The following CCDC126 variants were observed in gnomAD, a reference collection of about 807,000 sequenced individuals.
CCDC126 encodes coiled-coil domain-containing protein 126.
In CCDC126, 5 loss-of-function variants were observed where a neutral mutation model predicts 11.7. The observed-to-expected ratio is 0.43, with a 90% CI of 0.22 to 0.90. The LOEUF (loss-of-function observed/expected upper bound fraction) is 0.90, where lower values mean the gene tolerates loss of function less well. Among genes scored for constraint, CCDC126 ranks in the 40% least tolerant of loss-of-function variants. CCDC126 has a pLI of 0.27. For missense variants in CCDC126, 150 were observed against 163.1 expected (o/e 0.92, Z 0.44); for synonymous variants, 60 against 61.9 (o/e 0.97, Z 0.14).
intron 3 of CCDC126, among the ~76,000 whole-genome samples, chr7:23,637,460 G>A (rs1584218778): frequency 1.1e-5 from 1 of 89,990 alleles, no homozygotes; most frequent in Non-Finnish European, 2.2e-5. Flanking sequence ...CCGGCCAGCC[G>A]CCCCATCCGG....
rs35190673 is a variant in CCDC126 at position 23,600,374 on chromosome 7, A to ACCC, written c.-146+2334_-146+2336dup. ...GAGCGAATGGCTGTGTTCTGTGTTA[A>ACCC]CCCCCCCCCCCCCACCACCATATTA... On this transcript the variant is annotated intron_variant, in intron 2 of 3. Coordinates refer to ENST00000307471, the MANE Select transcript of CCDC126 (RefSeq NM_138771.4). Among the ~76,000 whole-genome samples the ACCC allele has an allele frequency of 3.1e-3, 249 of 80,576 alleles. 1 individual carries two copies. Among genetic ancestry groups the ACCC allele is most frequent in the African/African-American group, 5.3e-3 (113 of 21,324 alleles). 52.9% of individuals were successfully genotyped at this position (80,576 alleles called of 152,430 possible).
chr7:23,636,043 T>G (rs1229751868), intron 3 of CCDC126, among the ~76,000 whole-genome samples: 6 of 152,024 alleles, frequency 3.9e-5, no homozygotes, highest in African/African-American at 1.4e-4. Context: ...TCGTTTTTTT[T>G]TTGGTGGAGA....
In CCDC126 at chr7:23,597,420, T is replaced by TAAAATCTCCACAAGCTGG. The variant is rs1337818499; in HGVS notation, c.-415_-398dup. The TAAAATCTCCACAAGCTGG allele has an allele frequency of 6.6e-6, 1 of 151,794 alleles. No homozygotes were observed. The highest frequency in any genetic ancestry group is 2.0e-4 in the East Asian group (1 of 5,118). 9.4% of individuals were successfully genotyped at this position (151,794 alleles called of 1,614,324 possible). On this transcript the variant is annotated 5_prime_UTR_variant, in exon 1 of 4. Coordinates refer to ENST00000307471, the MANE Select transcript of CCDC126 (RefSeq NM_138771.4). ...AGCCGAGTGCGAGGGACGAGCGGAG[T>TAAAATCTCCACAAGCTGG]AAAATCTCCACAAGCTGGGAACAAA...
At chr7:23,621,796 G>A (rs1238499189) in intron 3 of CCDC126, among the ~76,000 whole-genome samples, 3 of 152,178 alleles carry the variant, frequency 2.0e-5, no homozygotes, top group Admixed American at 6.5e-5. Context: ...ATGAAGGCCT[G>A]TTGAATTTTG....
intron 3 of CCDC126, among the ~76,000 whole-genome samples, chr7:23,616,164 C>T (rs560397517): frequency 2.0e-5 from 3 of 152,276 alleles, no homozygotes; most frequent in African/African-American, 7.2e-5. Flanking sequence ...CTACTGCATC[C>T]CCCTACAGTT....
intron 3 of CCDC126, among the ~76,000 whole-genome samples, chr7:23,620,613 T>C (rs1482666611): frequency 6.6e-6 from 1 of 151,742 alleles, no homozygotes; most frequent in Non-Finnish European, 1.5e-5. Flanking sequence ...TTGGCTTTTG[T>C]TGCCATTGCT....
intron 3 of CCDC126, chr7:23,619,455 C>T (rs937443837): frequency 1.7e-5 from 7 of 409,456 alleles, no homozygotes; most frequent in African/African-American, 8.6e-5. Context: ...AGGATCCCAG[C>T]GCATTAAAGG....
At chr7:23,622,537 G>C (rs554979567) in intron 3 of CCDC126, 2 of 523,630 alleles carry the variant, frequency 3.8e-6, no homozygotes, top group Middle Eastern at 3.8e-4. Flanking sequence ...TGGACTGTCT[G>C]TATGCCAGGT....
At chr7:23,628,616 G>A (rs1002402782) in intron 3 of CCDC126, among the ~76,000 whole-genome samples, 1 of 152,204 alleles carries the variant, frequency 6.6e-6, no homozygotes, top group African/African-American at 2.4e-5. Flanking sequence ...TGTTAGAGAA[G>A]GCAGTAGGAG....
intron 3 of CCDC126, among the ~76,000 whole-genome samples, chr7:23,642,529 G>A (rs1270302731): frequency 2.0e-5 from 3 of 152,102 alleles, no homozygotes; most frequent in Non-Finnish European, 2.9e-5. Context: ...TTGGGAGGCC[G>A]AGGAGTGCGG....
chr7:23,623,140 AT>A (rs34633589), intron 3 of CCDC126, among the ~76,000 whole-genome samples: 103,853 of 135,254 alleles, frequency 0.77, 39,546 homozygotes, highest in African/African-American at 0.83. Context: ...TGCCCAGCTG[AT>A]TTTTTTTTTT....
rs533613120 is a variant in CCDC126, at chr7:23,635,079, A to T, written c.239-7852A>T. ...TTATGTGATTCTTTTCCCTTCTTAAACTATTTGATCTTCTCCCAGAATAAG... is the reference window on the plus strand; with the variant it reads ...TTATGTGATTCTTTTCCCTTCTTAATCTATTTGATCTTCTCCCAGAATAAG... On this transcript the variant is annotated intron_variant, in intron 3 of 3. Coordinates refer to ENST00000307471, the MANE Select transcript of CCDC126 (RefSeq NM_138771.4). 9.2e-5 allele frequency among the ~76,000 whole-genome samples: 14 copies of T among 152,316 alleles called. No individual in the cohort carries two copies. The South Asian group carries it at 2.3e-3, about 25-fold the overall frequency.
In CCDC126 at chr7:23,632,754, A is replaced by C. The variant is rs118146480; in HGVS notation, c.239-10177A>C. Among the ~76,000 whole-genome samples, 662 of 152,348 alleles carry C rather than the reference A, an allele frequency of 4.3e-3. 5 individuals carry two copies. The highest frequency in any genetic ancestry group is 0.02 in the Middle Eastern group (6 of 294). Reference sequence around the variant, plus strand: ...AAAAAACCCAAAGCCAAACCTGTAAAATGCGTGGTCCTTGTATTCCAGATA... The same window carrying C: ...AAAAAACCCAAAGCCAAACCTGTAACATGCGTGGTCCTTGTATTCCAGATA... On this transcript the variant is annotated intron_variant, in intron 3 of 3. Coordinates refer to ENST00000307471, the MANE Select transcript of CCDC126 (RefSeq NM_138771.4).
intron 3 of CCDC126, among the ~76,000 whole-genome samples, chr7:23,632,632 G>T (rs1333280543): frequency 6.6e-6 from 1 of 152,166 alleles, no homozygotes; most frequent in Non-Finnish European, 1.5e-5. Context: ...TAGGGAAACT[G>T]GGCAAAGGGA....
In CCDC126 at chr7:23,639,207, T is replaced by C. The variant is rs1000423376; in HGVS notation, c.239-3724T>C. On this transcript the variant is annotated intron_variant, in intron 3 of 3. Transcript: ENST00000307471. ...TTTTTTATGTCTTTTTTTTTTTTTT[T>C]TTGAGATGGAGTCTCGCTCTGTCAC... Among the ~76,000 whole-genome samples the C allele has an allele frequency of 2.6e-5, 4 of 151,290 alleles. No individual in the cohort carries two copies. The Middle Eastern group carries it at 0.01, about 386-fold the overall frequency.
intron 2 of CCDC126, among the ~76,000 whole-genome samples, chr7:23,605,370 A>G (rs1233821141): frequency 6.6e-6 from 1 of 151,580 alleles, no homozygotes; most frequent in Non-Finnish European, 1.5e-5. Context: ...AACTGTTGAA[A>G]GGTTTTTAAG....
intron 3 of CCDC126, among the ~76,000 whole-genome samples, chr7:23,624,712 T>G (rs1444189289): frequency 6.6e-6 from 1 of 152,246 alleles, no homozygotes; most frequent in Non-Finnish European, 1.5e-5. Context: ...CATTGCTTTA[T>G]TTTGAACAAA....
At chr7:23,636,808 T>C (rs1352298251) in intron 3 of CCDC126, among the ~76,000 whole-genome samples, 1 of 117,912 alleles carries the variant, frequency 8.5e-6, no homozygotes, top group Non-Finnish European at 1.8e-5. Flanking sequence ...AGCCGCCCCG[T>C]CCGGGAGGTG....
intron 3 of CCDC126, 122 bp from the exon 4 acceptor site, chr7:23,642,809 T>G: frequency 1.3e-6 from 1 of 741,976 alleles, no homozygotes; most frequent in Non-Finnish European, 2.2e-6. Flanking sequence ...TATGAGTGCA[T>G]TCTCTCTAGT....
Sources: gnomAD v4.1 joint callset for allele counts (sites outside exome capture counted in the v4.1 genomes callset) on GRCh38, gnomAD v4.1.1 for gene constraint, MANE v1.5 for transcripts, NCBI Gene and HGNC (gene_info 2026-07-23, HGNC 2026-07-21) for gene names.